Variants in KCNQ4 observed in about 807,000 individuals in gnomAD.
KCNQ4 encodes the protein potassium voltage-gated channel subfamily Q member 4.
A neutral mutation model predicts 72.6 loss-of-function variants in KCNQ4; 31 were observed. The ratio of observed to expected loss-of-function variants is 0.43; its 90% CI spans 0.32 to 0.58. The LOEUF (loss-of-function observed/expected upper bound fraction) is 0.58. KCNQ4 is among the 20% of genes least tolerant of loss of function. The probability of loss-of-function intolerance (pLI) is 0.08; values close to 1 mark genes in which losing one functional copy is unlikely to be tolerated. For missense variants in KCNQ4, 869 were observed against 962.6 expected, an observed-to-expected ratio of 0.90 and a Z score of 1.29; for synonymous variants, 405 against 403.7, an observed-to-expected ratio of 1.00 and a Z score of -0.04.
chr1:40,789,699 C>T (rs1021419763), intron 1 of KCNQ4, among the ~76,000 whole-genome samples: 13 of 152,220 alleles, frequency 8.5e-5, no homozygotes, highest in Non-Finnish European at 1.3e-4. Context: ...TGTCTAACTT[C>T]AATCCCTATT....
rs971376023 is a variant in KCNQ4 at position 40,817,738 on chromosome 1, C to T, written c.405+383C>T. ...CAGAATAGAAGTGAGTAGGCTCCACCCCTTCTCAGGACAAAATCTGCAAAC... is the reference window on the plus strand; with the variant it reads ...CAGAATAGAAGTGAGTAGGCTCCACTCCTTCTCAGGACAAAATCTGCAAAC... On this transcript the variant is annotated intron_variant, in intron 2 of 13. Coordinates refer to ENST00000347132, the MANE Select transcript of KCNQ4 (RefSeq NM_004700.4). The surrounding 1 kb of genome is among the most constrained non-coding windows in gnomAD (Gnocchi z 5.5). 1.3e-5 allele frequency among the ~76,000 whole-genome samples: 2 copies of T among 152,186 alleles called. No homozygotes were observed. Among genetic ancestry groups the T allele is most frequent in the Non-Finnish European group, 2.9e-5 (2 of 68,028 alleles).
intron 1 of KCNQ4, among the ~76,000 whole-genome samples, chr1:40,793,166 C>T (rs1337661715): frequency 6.6e-6 from 1 of 151,748 alleles, no homozygotes; most frequent in Non-Finnish European, 1.5e-5. Context: ...AGACACCCAG[C>T]TAGTTTTTAA....
intron 9 of KCNQ4, among the ~76,000 whole-genome samples, chr1:40,829,444 C>T (rs1415157249): frequency 1.3e-5 from 2 of 152,118 alleles, no homozygotes; most frequent in Admixed American, 1.3e-4. Flanking sequence ...CATCCTTGAC[C>T]TATTAACCTC....
At chr1:40,823,554 C>G (rs1448068971) in intron 8 of KCNQ4, among the ~76,000 whole-genome samples, 1 of 152,134 alleles carries the variant, frequency 6.6e-6, no homozygotes, top group Non-Finnish European at 1.5e-5. Flanking sequence ...AATGGGAAGG[C>G]AGGCAGGAGA....
intron 9 of KCNQ4, 107 bp from the exon 10 acceptor site, chr1:40,830,977 T>C: frequency 1.1e-6 from 1 of 933,374 alleles, no homozygotes; most frequent in Non-Finnish European, 1.7e-6. Context: ...TGGCGGGGAA[T>C]CCAGACCTAA....
In KCNQ4 at chr1:40,838,552, G is replaced by C. The variant is rs1411334219; in HGVS notation, c.*29G>C. The C allele has an allele frequency of 1.2e-6, 2 of 1,605,300 alleles. No homozygotes were observed. The highest frequency in any genetic ancestry group is 1.3e-5 in the African/African-American group (1 of 74,736). ...ACTTCTCAGAGGCAGGGCAGCACAC[G>C]GCCAGCCCCGCGGCCTGGCGCTCCG... On this transcript the variant is annotated 3_prime_UTR_variant, in exon 14 of 14. Coordinates refer to ENST00000347132, the MANE Select transcript of KCNQ4 (RefSeq NM_004700.4).
intron 1 of KCNQ4, among the ~76,000 whole-genome samples, chr1:40,810,386 T>C (rs1647899085): frequency 6.6e-6 from 1 of 152,246 alleles, no homozygotes; most frequent in Non-Finnish European, 1.5e-5. Context: ...TACACTGTCA[T>C]GGCCTCGTCC....
In KCNQ4 at chr1:40,838,311, G is replaced by A; in HGVS notation, c.1876G>A (p.Val626Met). ...MGRVVKVEKQ[V>M]QSIEHKLDLL... ...CTTCCCAGCTGCGCCCCGTCCCCAGGTGCAGTCCATCGAGCACAAGCTGGA... is the reference window on the plus strand; with the variant it reads ...CTTCCCAGCTGCGCCCCGTCCCCAGATGCAGTCCATCGAGCACAAGCTGGA... The change falls in exon 14 of 14, where the codon GTG becomes ATG. Residue 626 changes from valine (V) to methionine (M), a missense_variant and splice_region_variant. Around this residue, in one of 5 missense-constraint regions of KCNQ4, gnomAD observed 480 missense variants for 501.9 expected, o/e 0.96. Transcript: ENST00000347132. 6.2e-7 allele frequency: 1 copy of A among 1,613,122 alleles called. No homozygotes were observed. Among genetic ancestry groups the A allele is most frequent in the Non-Finnish European group, 8.5e-7 (1 of 1,179,820 alleles).
chr1:40,803,828 G>A (rs1647657116), intron 1 of KCNQ4, among the ~76,000 whole-genome samples: 1 of 152,196 alleles, frequency 6.6e-6, no homozygotes, highest in South Asian at 2.1e-4. Flanking sequence ...CAAAGGCATT[G>A]AAACCCCTCT....
chr1:40,814,439 G>A (rs956040201), intron 1 of KCNQ4, among the ~76,000 whole-genome samples: 2 of 152,166 alleles, frequency 1.3e-5, no homozygotes, highest in Non-Finnish European at 2.9e-5. Context: ...CTGGCTGGGC[G>A]AGTGGCTTAC....
intron 12 of KCNQ4, among the ~76,000 whole-genome samples, chr1:40,836,420 T>C (rs7526256): frequency 6.6e-6 from 1 of 152,200 alleles, no homozygotes; most frequent in African/African-American, 2.4e-5. Flanking sequence ...GATGCCTATC[T>C]GACATTCAAG....
rs1357463689 is a variant in KCNQ4, at chr1:40,831,309, GC to G, written c.1513+10del. On this transcript the variant is annotated splice_donor_region_variant and intron_variant, in intron 10 of 13. Coordinates refer to ENST00000347132, the MANE Select transcript of KCNQ4 (RefSeq NM_004700.4). The stretch of plus-strand genomic sequence containing the variant: ...AACCCCGCACCTCTGCTGAGGGTAA[GC>G]CCCCGGGGGGCTGAGTCCGATCGAG... 3 of 1,584,646 alleles carry G rather than the reference GC, an allele frequency of 1.9e-6. No homozygotes were observed. The highest frequency in any genetic ancestry group is 2.3e-5 in the East Asian group (1 of 43,760).
chr1:40,800,028 A>C (rs1647530626), intron 1 of KCNQ4, among the ~76,000 whole-genome samples: 1 of 152,154 alleles, frequency 6.6e-6, no homozygotes, highest in Admixed American at 6.5e-5. Flanking sequence ...GAGCCTGTAC[A>C]TGGTCCTCCT....
Position 40,815,165 on chromosome 1 carries a change from G to A in KCNQ4, c.315-2100G>A, listed in dbSNP as rs376708681. Among the ~76,000 whole-genome samples the A allele has an allele frequency of 4.3e-4, 64 of 149,974 alleles. 1 individual carries two copies. In the South Asian group the frequency reaches 9.6e-3, roughly 23 times the overall value. The stretch of plus-strand genomic sequence containing the variant: ...TGAGGCAGCAGAATCGCTTGAACCC[G>A]GGAGGCGGAGGTTGCAGTGAGCCGA... On this transcript the variant is annotated intron_variant, in intron 1 of 13. Coordinates refer to ENST00000347132, the MANE Select transcript of KCNQ4 (RefSeq NM_004700.4).
chr1:40,823,053 C>T (rs577591786), intron 8 of KCNQ4, among the ~76,000 whole-genome samples: 8 of 152,364 alleles, frequency 5.3e-5, no homozygotes, highest in Admixed American at 3.3e-4. Context: ...CTCGGTCCCA[C>T]GGGCAGGCGG....
Position 40,794,555 on chromosome 1 carries a change from C to G in KCNQ4, c.314+10148C>G, listed in dbSNP as rs75978419. Among the ~76,000 whole-genome samples the G allele has an allele frequency of 6.6e-6, 1 of 152,200 alleles. No individual in the cohort carries two copies. The highest frequency in any genetic ancestry group is 2.4e-5 in the African/African-American group (1 of 41,444). ...CCAAGCCCGAGCTCTAAATGGTTCT[C>G]AGCCTCGCCAGCTGACCCAAGGCAG... On this transcript the variant is annotated intron_variant, in intron 1 of 13. Coordinates refer to ENST00000347132, the MANE Select transcript of KCNQ4 (RefSeq NM_004700.4). This position sits in a 1 kb window ranked among gnomAD's most constrained non-coding sequence, Gnocchi z 4.2.
chr1:40,787,246 G>GT (rs1222290541), intron 1 of KCNQ4, among the ~76,000 whole-genome samples: 2 of 152,180 alleles, frequency 1.3e-5, no homozygotes, highest in Admixed American at 1.3e-4. Flanking sequence ...GTGCACACCT[G>GT]TAGACACAAT....
intron 1 of KCNQ4, among the ~76,000 whole-genome samples, chr1:40,791,645 C>T (rs954143481): frequency 6.6e-6 from 1 of 152,194 alleles, no homozygotes; most frequent in Non-Finnish European, 1.5e-5. Flanking sequence ...CCTCCCTCCT[C>T]ACCCCACGGA....
At chr1:40,807,313 G>A (rs1647793853) in intron 1 of KCNQ4, among the ~76,000 whole-genome samples, 1 of 152,134 alleles carries the variant, frequency 6.6e-6, no homozygotes, top group Non-Finnish European at 1.5e-5. Context: ...GGCCATTACT[G>A]AGTAGTGCTC....
Sources: allele counts gnomAD v4.1 joint callset (sites outside exome capture counted in the v4.1 genomes callset), GRCh38; gene constraint gnomAD v4.1.1; regional missense constraint gnomAD v4.1.1; non-coding constraint Gnocchi (gnomAD v3.1); transcripts MANE v1.5; gene names NCBI Gene and HGNC (gene_info 2026-07-23, HGNC 2026-07-21).